The following EIF4G3 variants were observed in gnomAD, a reference collection of about 807,000 sequenced individuals.
The protein encoded by EIF4G3 is eIF-4-gamma 3.
In EIF4G3, 34 loss-of-function variants were observed where a neutral mutation model predicts 186.4. The ratio of observed to expected loss-of-function variants is 0.18; its 90% CI spans 0.14 to 0.24. The LOEUF (loss-of-function observed/expected upper bound fraction) is 0.24. Among genes scored for constraint, EIF4G3 ranks in the 10% least tolerant of loss-of-function variants. The pLI is 1.00. For synonymous variants in EIF4G3, 673 were observed against 679.5 expected (o/e 0.99, Z 0.15); for missense variants, 1,536 against 1,948.5 (o/e 0.79, Z 3.99).
chr1:20,977,881 G>A (rs868245400), intron 10 of EIF4G3, among the ~76,000 whole-genome samples: 1 of 152,128 alleles, frequency 6.6e-6, no homozygotes, highest in African/African-American at 2.4e-5. Context: ...AAGAGGGCTG[G>A]CACAGACTTA....
intron 14 of EIF4G3, among the ~76,000 whole-genome samples, chr1:20,925,607 C>T (rs1196691127): frequency 6.6e-6 from 1 of 152,196 alleles, no homozygotes; most frequent in African/African-American, 2.4e-5. Context: ...CATCATACCT[C>T]ACTGCAGCCT....
At chr1:20,966,522 G>A (rs897651721) in intron 12 of EIF4G3, among the ~76,000 whole-genome samples, 4 of 150,168 alleles carry the variant, frequency 2.7e-5, no homozygotes, top group Non-Finnish European at 3.0e-5. Context: ...TGCCCAGGCT[G>A]GAATGCAGTG....
At chr1:20,886,976 A>G (rs2084382518) in intron 18 of EIF4G3, among the ~76,000 whole-genome samples, 1 of 152,166 alleles carries the variant, frequency 6.6e-6, no homozygotes, top group Non-Finnish European at 1.5e-5. Flanking sequence ...GTTAAAACCA[A>G]TGTATGTTGC....
intron 29 of EIF4G3, among the ~76,000 whole-genome samples, chr1:20,847,511 G>A (rs1010514577): frequency 5.9e-5 from 9 of 152,024 alleles, no homozygotes; most frequent in Middle Eastern, 3.2e-3. Context: ...CCTTTTAAAG[G>A]GTTATTCATT....
chr1:20,848,492 G>A (rs1359482263), intron 29 of EIF4G3, among the ~76,000 whole-genome samples: 1 of 152,100 alleles, frequency 6.6e-6, no homozygotes, highest in Non-Finnish European at 1.5e-5. Context: ...GGAGTTATTT[G>A]TTTATGGTTT....
chr1:21,056,542 C>A (rs1452238649), intron 3 of EIF4G3, among the ~76,000 whole-genome samples: 2 of 152,062 alleles, frequency 1.3e-5, no homozygotes, highest in Non-Finnish European at 2.9e-5. Flanking sequence ...GGCACAAAGG[C>A]TAATAAAATT....
chr1:20,997,085 T>C (rs2082453274), intron 7 of EIF4G3, among the ~76,000 whole-genome samples: 1 of 152,210 alleles, frequency 6.6e-6, no homozygotes, highest in African/African-American at 2.4e-5. Context: ...TGTGTTCTAA[T>C]AATAAAAATA....
chr1:21,176,675 A>AG (rs758510070), intron 1 of EIF4G3, 47 bp downstream of exon 1: 7,059 of 483,766 alleles, frequency 0.015, no homozygotes, highest in South Asian at 0.018. Flanking sequence ...ACGCGACCCC[A>AG]GGGGGGGGGC....
intron 4 of EIF4G3, among the ~76,000 whole-genome samples, chr1:21,011,262 CTTTA>C (rs1435253580): frequency 3.3e-5 from 5 of 149,696 alleles, no homozygotes; most frequent in Admixed American, 1.3e-4. Flanking sequence ...AATGTCACTT[CTTTA>C]TTTAACTTTT....
intron 12 of EIF4G3, among the ~76,000 whole-genome samples, chr1:20,958,716 T>C (rs1290526289): frequency 6.6e-6 from 1 of 152,138 alleles, no homozygotes. Context: ...GGTTACAAAA[T>C]AAATGTACAC....
chr1:21,015,088 G>C (rs1278809137), intron 4 of EIF4G3, among the ~76,000 whole-genome samples: 1 of 149,670 alleles, frequency 6.7e-6, no homozygotes, highest in Non-Finnish European at 1.5e-5. Flanking sequence ...AAAAGGAGGG[G>C]GGGAAGAAAA....
At chr1:21,072,473 G>T (rs1177056839) in intron 3 of EIF4G3, among the ~76,000 whole-genome samples, 1 of 151,912 alleles carries the variant, frequency 6.6e-6, no homozygotes, top group Non-Finnish European at 1.5e-5. Context: ...GTGCTATCTC[G>T]GCTCACTGCA....
intron 18 of EIF4G3, among the ~76,000 whole-genome samples, chr1:20,887,410 T>G (rs6426650): frequency 0.94 from 143,818 of 152,192 alleles, 68,461 homozygotes; most frequent in Middle Eastern, 1. Context: ...TACATAAAAA[T>G]ACAGTTTCTA....
At chr1:20,817,350 T>C (rs752946305) in intron 34 of EIF4G3, 42 bp downstream of exon 34, 7 of 1,360,182 alleles carry the variant, frequency 5.1e-6, no homozygotes, top group East Asian at 2.7e-5. Flanking sequence ...CACAAGAATC[T>C]TTCCTGTAGA....
intron 3 of EIF4G3, among the ~76,000 whole-genome samples, chr1:21,085,594 A>G (rs2101005016): frequency 6.6e-6 from 1 of 152,078 alleles, no homozygotes; most frequent in African/African-American, 2.4e-5. Context: ...ATGGGGTCTC[A>G]TTATGTTGCA....
rs34197724 is a variant in EIF4G3 at position 21,176,231 on chromosome 1, TGCCGCCGCCGCCGCCGCCGCCGCC to T, written c.-352_-329del. 3.8e-5 allele frequency: 13 copies of T among 346,400 alleles called. 2 individuals carry two copies. The highest frequency in any genetic ancestry group is 2.6e-4 in the South Asian group (3 of 11,706). The allele number at this position is 346,400 out of a possible 1,614,324, so 21.5% of individuals were successfully genotyped here. On this transcript the variant is annotated 5_prime_UTR_variant, in exon 2 of 37. Transcript: ENST00000602326. Reference sequence around the variant, plus strand: ...TGTTCGGGTGAGGAGGGGGGACCGCTGCCGCCGCCGCCGCCGCCGCCGCCGCCGCCGCCGCTGCTGCCGCCGCCG... The same window carrying T: ...TGTTCGGGTGAGGAGGGGGGACCGCTGCCGCCGCCGCTGCTGCCGCCGCCG...
intron 2 of EIF4G3, among the ~76,000 whole-genome samples, chr1:21,143,769 T>A (rs955315568): frequency 1.3e-5 from 2 of 152,050 alleles, no homozygotes; most frequent in African/African-American, 4.8e-5. Flanking sequence ...AAATATTTTT[T>A]AAATTACCTG....
At chr1:21,160,056 G>A (rs760583738) in intron 2 of EIF4G3, among the ~76,000 whole-genome samples, 2 of 146,820 alleles carry the variant, frequency 1.4e-5, no homozygotes, top group East Asian at 2.0e-4. Flanking sequence ...GCAGTGAGCC[G>A]AAATTGTGCT....
Position 20,849,458 on chromosome 1 carries a change from G to T in EIF4G3, c.3845C>A (p.Ser1282Ter). The change falls in exon 29 of 37, where the codon TCG becomes TAG. Residue 1282 changes from serine (S) to a stop codon, truncating the protein, a stop_gained. Coordinates refer to ENST00000602326, the MANE Select transcript of EIF4G3 (RefSeq NM_001391906.1). LOFTEE classifies it high-confidence loss of function. ...TAGAAATTCATCAATGATAGATTTC[G>T]ACTTCCTCTCCAGTTCCTCTTCTGA... ...ALSEEELERK[S>*]KSIIDEFLHI... 6.4e-7 allele frequency: 1 copy of T among 1,552,966 alleles called. No individual in the cohort carries two copies.
Sources: gnomAD v4.1 joint callset for allele counts (sites outside exome capture counted in the v4.1 genomes callset) on GRCh38, gnomAD v4.1.1 for gene constraint, MANE v1.5 for transcripts, NCBI Gene and HGNC (gene_info 2026-07-23, HGNC 2026-07-21) for gene names.